DCBLD1: variants seen among roughly 807,000 people sequenced by gnomAD.
DCBLD1 encodes discoidin, CUB and LCCL domain-containing protein 1.
DCBLD1 carries 57 observed loss-of-function variants against 71.5 expected under a neutral mutation model. That is an observed-to-expected ratio of 0.80 (90% confidence interval 0.64 to 0.99). DCBLD1 has a LOEUF of 0.99. Ranked by LOEUF, DCBLD1 falls within the 50% of genes least tolerant of loss-of-function variation. The pLI is 0.00. For synonymous variants in DCBLD1, 380 were observed against 363.8 expected (o/e 1.04, Z -0.51); for missense variants, 891 against 923.5 (o/e 0.96, Z 0.46).
chr6:117,550,052 T>TA (rs934387068), downstream of DCBLD1, among the ~76,000 whole-genome samples: 7 of 152,354 alleles, frequency 4.6e-5, no homozygotes, highest in Admixed American at 4.6e-4. Context: ...TTGGAACATT[T>TA]ATCAAAGTGT....
At chr6:117,524,762 G>A (rs1355081285) in intron 4 of DCBLD1, among the ~76,000 whole-genome samples, 1 of 151,900 alleles carries the variant, frequency 6.6e-6, no homozygotes, top group Non-Finnish European at 1.5e-5. Context: ...TGAACATGCT[G>A]GATTAAATAG....
At chr6:117,551,747 A>G (rs1779431605), downstream of DCBLD1, among the ~76,000 whole-genome samples, 1 of 152,202 alleles carries the variant, frequency 6.6e-6, no homozygotes, top group Non-Finnish European at 1.5e-5. Context: ...TGACATTCCT[A>G]GGAATTCATA....
intron 11 of DCBLD1, among the ~76,000 whole-genome samples, chr6:117,542,064 G>A (rs1310941912): frequency 1.3e-5 from 2 of 151,998 alleles, no homozygotes; most frequent in African/African-American, 2.4e-5. Context: ...AGGCCGAGGC[G>A]GGCGGATTGC....
rs180954001 is a variant in DCBLD1 at position 117,506,052 on chromosome 6, G to A, written c.325+2073G>A. ...AACGTTTGTCTTTTGAAAATAAAAT[G>A]TATGCTCATCTGTATTATTATTATC... On this transcript the variant is annotated intron_variant, in intron 2 of 14. Coordinates refer to ENST00000338728, the MANE Select transcript of DCBLD1 (RefSeq NM_001366458.2). Among the ~76,000 whole-genome samples the A allele has an allele frequency of 1.2e-3, 188 of 152,184 alleles. 1 individual carries two copies. The highest frequency in any genetic ancestry group is 3.9e-3 in the African/African-American group (161 of 41,528).
Position 117,537,190 on chromosome 6 carries a change from C to G in DCBLD1, c.725C>G (p.Ser242Cys), listed in dbSNP as rs149959336. 2 of 1,613,896 alleles carry G rather than the reference C, an allele frequency of 1.2e-6. No homozygotes were observed. Among genetic ancestry groups the G allele is most frequent in the African/African-American group, 2.7e-5 (2 of 74,986 alleles). ...LANGVLSRDG[S>C]LSDKRFLFTS... is the part of the protein sequence containing the mutation. ...GTTTGTCTTTATTGTTTCAGTGGTT[C>G]CCTGTCAGACAAGCGATTTCTGTTT... The change falls in exon 7 of 15, where the codon TCC becomes TGC. Residue 242 changes from serine (S) to cysteine (C), a missense_variant. Physicochemically the swap from Ser to Cys is moderately radical, Grantham distance 112. Coordinates refer to ENST00000338728, the MANE Select transcript of DCBLD1 (RefSeq NM_001366458.2).
At chr6:117,554,639 A>G (rs9688850), downstream of DCBLD1, among the ~76,000 whole-genome samples, 32 of 152,216 alleles carry the variant, frequency 2.1e-4, no homozygotes, top group African/African-American at 7.7e-4. Flanking sequence ...TCATGCCTGT[A>G]ATCCCAGCAC....
chr6:117,505,804 A>C (rs971418071), intron 2 of DCBLD1, among the ~76,000 whole-genome samples: 1 of 152,088 alleles, frequency 6.6e-6, no homozygotes, highest in Non-Finnish European at 1.5e-5. Flanking sequence ...CCCCATCTCT[A>C]CATTGTAAGA....
chr6:117,525,008 T>G (rs568521928), intron 4 of DCBLD1, among the ~76,000 whole-genome samples: 1 of 152,150 alleles, frequency 6.6e-6, no homozygotes, highest in Non-Finnish European at 1.5e-5. Context: ...TTGTTACATA[T>G]TTTAAACATT....
chr6:117,569,629 G>A (rs202217864), exon 15 of DCBLD1: 20 of 1,612,690 alleles, frequency 1.2e-5, no homozygotes, highest in African/African-American at 6.7e-5. Context: ...GGTTAACTCC[G>A]TTGACTGCCA....
chr6:117,511,436 C>A (rs1224923159), intron 2 of DCBLD1, among the ~76,000 whole-genome samples: 12 of 152,152 alleles, frequency 7.9e-5, no homozygotes, highest in Non-Finnish European at 1.6e-4. Flanking sequence ...CCAGGAAGTT[C>A]AAAAATTGTT....
chr6:117,516,806 C>T (rs1778215382), intron 2 of DCBLD1, among the ~76,000 whole-genome samples: 1 of 152,184 alleles, frequency 6.6e-6, no homozygotes, highest in Non-Finnish European at 1.5e-5. Flanking sequence ...CAGGGGAACT[C>T]CTTTTTTTAA....
chr6:117,489,535 G>T (rs1582959930), intron 1 of DCBLD1, among the ~76,000 whole-genome samples: 1 of 152,258 alleles, frequency 6.6e-6, no homozygotes, highest in East Asian at 1.9e-4. Flanking sequence ...GTAGCTCTGT[G>T]TTACCCCCAT....
At position 117,539,465 on chromosome 6, in the gene DCBLD1, C is replaced by T. The variant is rs1023280330; in HGVS notation, c.1101+86C>T. 9 of 1,430,968 alleles carry T rather than the reference C, an allele frequency of 6.3e-6. No homozygotes were observed. In the East Asian group the frequency reaches 2.1e-4, roughly 33 times the overall value. The allele number at this position is 1,430,968 out of a possible 1,614,324, so 88.6% of individuals were successfully genotyped here. On this transcript the variant is annotated intron_variant, in intron 9 of 14. Coordinates refer to ENST00000338728, the MANE Select transcript of DCBLD1 (RefSeq NM_001366458.2). ...ATCAATGTGTTTACATTAAATATCT[C>T]ATTAATAAAAGACAGTGAGGCCAAG...
At chr6:117,491,683 A>G (rs992974933) in intron 1 of DCBLD1, among the ~76,000 whole-genome samples, 1 of 152,202 alleles carries the variant, frequency 6.6e-6, no homozygotes, top group African/African-American at 2.4e-5. Flanking sequence ...TGGTTTGTAC[A>G]AAGATCCAAA....
chr6:117,482,984 C>CG, intron 1 of DCBLD1, 91 bp downstream of exon 1: 1 of 912,846 alleles, frequency 1.1e-6, no homozygotes, highest in Non-Finnish European at 1.3e-6. Context: ...CCGAGGGCTA[C>CG]GGGGCGGGCC....
intron 6 of DCBLD1, among the ~76,000 whole-genome samples, chr6:117,533,275 GA>G (rs1443952778): frequency 2.0e-5 from 3 of 152,144 alleles, no homozygotes; most frequent in Non-Finnish European, 4.4e-5. Flanking sequence ...AGAAGTGGGG[GA>G]AAAAATGTCA....
chr6:117,568,874 T>A (rs1201032279), intron 14 of DCBLD1, among the ~76,000 whole-genome samples: 1 of 152,190 alleles, frequency 6.6e-6, no homozygotes, highest in East Asian at 1.9e-4. Context: ...CACTTTCAAC[T>A]CTGAGATGCA....
intron 2 of DCBLD1, among the ~76,000 whole-genome samples, chr6:117,508,688 G>C (rs567451469): frequency 6.6e-6 from 1 of 152,144 alleles, no homozygotes; most frequent in South Asian, 2.1e-4. Flanking sequence ...CCTCAGAGGA[G>C]GTCATTTCTG....
chr6:117,541,188 C>A (rs932319073), intron 11 of DCBLD1, among the ~76,000 whole-genome samples, 163 bp downstream of exon 11: 24 of 152,228 alleles, frequency 1.6e-4, no homozygotes, highest in African/African-American at 4.3e-4. Context: ...TACAGCTTTT[C>A]ATTGCAGTAT....
Sources: allele counts gnomAD v4.1 joint callset (sites outside exome capture counted in the v4.1 genomes callset), GRCh38; gene constraint gnomAD v4.1.1; transcripts MANE v1.5; gene names NCBI Gene and HGNC (gene_info 2026-07-23, HGNC 2026-07-21).